Variants in STRA8 observed in about 807,000 individuals in gnomAD.
STRA8 encodes stimulated by retinoic acid 8, also known as stimulated by retinoic acid gene 8 protein homolog.
In STRA8, 18 loss-of-function variants were observed where a neutral mutation model predicts 37.1. The observed-to-expected ratio is 0.48, with a 90% confidence interval of 0.34 to 0.72. The LOEUF (loss-of-function observed/expected upper bound fraction) is 0.72. Ranked by LOEUF, STRA8 falls within the 30% of genes least tolerant of loss-of-function variation. The probability of loss-of-function intolerance (pLI) is 0.01; values close to 1 mark genes in which losing one functional copy is unlikely to be tolerated. For missense variants in STRA8, 357 were observed against 410.4 expected, an observed-to-expected ratio of 0.87 and a Z score of 1.13; for synonymous variants, 168 against 162.9, an observed-to-expected ratio of 1.03 and a Z score of -0.24.
In STRA8 at chr7:135,246,041, G is replaced by C; in HGVS notation, c.594-376G>C. ...CTCTCCACAGCCGAGCCTGACTTTC[G>C]GGCTGCAGGTTAAAGTTGGAGTCCT... On this transcript the variant is annotated intron_variant, in intron 5 of 8. Transcript: ENST00000662584. The surrounding 1 kb of genome is among the most constrained non-coding windows in gnomAD (Gnocchi z 5.4). 2 of 265,246 alleles carry C rather than the reference G, an allele frequency of 7.5e-6. No individual in the cohort carries two copies. Among genetic ancestry groups the C allele is most frequent in the South Asian group, 8.7e-5 (2 of 22,892 alleles). The allele number at this position is 265,246 out of a possible 1,614,324, so 16.4% of individuals were successfully genotyped here.
rs563090886 is a variant in STRA8 at position 135,253,663 on chromosome 7, T to C, written c.954-1451T>C. On this transcript the variant is annotated intron_variant, in intron 7 of 8. Coordinates refer to ENST00000662584, the MANE Select transcript of STRA8 (RefSeq NM_001394401.1). Reference sequence around the variant, plus strand: ...AAAGATTTTAAAACAAGAAGCAGCGTGACTAACAATGTCCCAAAGGTGTGT... The same window carrying C: ...AAAGATTTTAAAACAAGAAGCAGCGCGACTAACAATGTCCCAAAGGTGTGT... Among the ~76,000 whole-genome samples, 5 of 152,292 alleles carry C rather than the reference T, an allele frequency of 3.3e-5. No individual in the cohort carries two copies. The South Asian group carries it at 1.0e-3, about 32-fold the overall frequency.
At chr7:135,257,744 A>G (rs1259626620) in intron 8 of STRA8, among the ~76,000 whole-genome samples, 2 of 152,140 alleles carry the variant, frequency 1.3e-5, no homozygotes, top group Non-Finnish European at 2.9e-5. Flanking sequence ...CTGCTGCTTA[A>G]AAAAATATCA....
chr7:135,246,997 A>T lies in STRA8; in HGVS notation c.879+295A>T, dbSNP rs1406282812. 3.0e-6 allele frequency: 1 copy of T among 333,062 alleles called. No homozygotes were observed. The highest frequency in any genetic ancestry group is 5.4e-6 in the Non-Finnish European group (1 of 183,758). The allele number at this position is 333,062 out of a possible 1,614,324, so 20.6% of individuals were successfully genotyped here. A position where few individuals can be genotyped will look rare whatever the true frequency, so the allele number is the denominator to read the frequency against. Reference sequence around the variant, plus strand: ...ATAGCTGGGACTACAGGCGCCCGCCACCACGCCCGGCTAATTTTTTTGTAT... The same window carrying T: ...ATAGCTGGGACTACAGGCGCCCGCCTCCACGCCCGGCTAATTTTTTTGTAT... On this transcript the variant is annotated intron_variant, in intron 6 of 8. Transcript: ENST00000662584. The surrounding 1 kb of genome is among the most constrained non-coding windows in gnomAD (Gnocchi z 5.4).
chr7:135,248,998 A>G (rs1024766121), intron 6 of STRA8, among the ~76,000 whole-genome samples: 20 of 152,152 alleles, frequency 1.3e-4, no homozygotes, highest in Non-Finnish European at 2.9e-4. Context: ...CCTCATACCC[A>G]AGGCTTGTAT....
chr7:135,233,549 G>A (rs985065332), upstream of STRA8, among the ~76,000 whole-genome samples: 1 of 152,166 alleles, frequency 6.6e-6, no homozygotes, highest in Non-Finnish European at 1.5e-5. Flanking sequence ...GAGGACACAT[G>A]AAGGCTGTGT....
rs1233066725 is a variant in STRA8, at chr7:135,251,835, G to C, written c.919G>C (p.Asp307His). The C allele has an allele frequency of 2.5e-6, 4 of 1,614,014 alleles. No individual in the cohort carries two copies. The highest frequency in any genetic ancestry group is 2.5e-6 in the Non-Finnish European group (3 of 1,180,044). The change falls in exon 7 of 9, where the codon GAC becomes CAC. Residue 307 changes from aspartate (D) to histidine (H), a missense_variant. By Grantham distance (81) the Asp-to-His change is moderately conservative. Coordinates refer to ENST00000662584, the MANE Select transcript of STRA8 (RefSeq NM_001394401.1). ...TGCCTTTGATGTGGCAAGCTTCCTGGACAAAAGTGAGGTTCCGAGTACATC... is the reference window on the plus strand; with the variant it reads ...TGCCTTTGATGTGGCAAGCTTCCTGCACAAAAGTGAGGTTCCGAGTACATC... ...EDAFDVASFL[D>H]KSEVPSTSSS...
intron 8 of STRA8, among the ~76,000 whole-genome samples, chr7:135,256,524 G>A (rs906392059): frequency 2.6e-5 from 4 of 152,356 alleles, no homozygotes; most frequent in Middle Eastern, 3.4e-3. Flanking sequence ...CAAAGGTATG[G>A]CCGGGTGCAG....
chr7:135,232,661 G>C (rs1832310846), upstream of STRA8, among the ~76,000 whole-genome samples: 1 of 151,992 alleles, frequency 6.6e-6, no homozygotes, highest in African/African-American at 2.4e-5. Flanking sequence ...AATGAGAATT[G>C]ACCCTTACTG....
At chr7:135,238,200 G>C (rs1414366543) in intron 1 of STRA8, among the ~76,000 whole-genome samples, 1 of 152,184 alleles carries the variant, frequency 6.6e-6, no homozygotes, top group Non-Finnish European at 1.5e-5. Flanking sequence ...CTGAGCCAAG[G>C]GGGGGCGGGG....
rs893361013 is a variant in STRA8, at chr7:135,246,941, T to C, written c.879+239T>C. 65 of 459,650 alleles carry C rather than the reference T, an allele frequency of 1.4e-4. No homozygotes were observed. Among genetic ancestry groups the C allele is most frequent in the Admixed American group, 4.2e-4 (10 of 23,918 alleles). 28.5% of individuals were successfully genotyped at this position (459,650 alleles called of 1,614,324 possible). ...CTCACTGCAAGCTCTGGCTCCCGGG[T>C]TCACCTCATTCTCCTGCCTCAGCCT... is the stretch of plus-strand genomic sequence containing the variant. On this transcript the variant is annotated intron_variant, in intron 6 of 8. Coordinates refer to ENST00000662584, the MANE Select transcript of STRA8 (RefSeq NM_001394401.1). This position sits in a 1 kb window ranked among gnomAD's most constrained non-coding sequence, Gnocchi z 5.4.
chr7:135,247,569 C>T (rs1422796777), intron 6 of STRA8, among the ~76,000 whole-genome samples: 1 of 152,192 alleles, frequency 6.6e-6, no homozygotes. Context: ...CCTCCCCTCT[C>T]ATTGGTTGGA....
At chr7:135,233,399 G>C (rs1004128608), upstream of STRA8, among the ~76,000 whole-genome samples, 3 of 152,062 alleles carry the variant, frequency 2.0e-5, no homozygotes, top group Non-Finnish European at 4.4e-5. Flanking sequence ...CTGGTATTTT[G>C]ATTCCTTTAT....
upstream of STRA8, among the ~76,000 whole-genome samples, chr7:135,233,549 G>T (rs985065332): frequency 6.6e-6 from 1 of 152,166 alleles, no homozygotes; most frequent in Non-Finnish European, 1.5e-5. Context: ...GAGGACACAT[G>T]AAGGCTGTGT....
intron 6 of STRA8, among the ~76,000 whole-genome samples, chr7:135,249,310 G>A (rs768523292): frequency 1.3e-5 from 2 of 152,324 alleles, no homozygotes; most frequent in East Asian, 3.8e-4. Flanking sequence ...TGGGCTGGGC[G>A]TGGTGATGCC....
chr7:135,246,417 G>A lies in STRA8; in HGVS notation c.594G>A (p.Arg198=), dbSNP rs200328961. Residue 198 remains arginine (R), a splice_region_variant and synonymous_variant, in exon 6 of 9, where the codon CGG becomes CGA. Transcript: ENST00000662584. This position sits in a 1 kb window ranked among gnomAD's most constrained non-coding sequence, Gnocchi z 5.4. The stretch of plus-strand genomic sequence containing the variant: ...CGAGACGGCGCCGCTTCTGTTCCAG[G>A]TATCTCAACTTTTACAAACAGACGA... ...TLSPDLMEFE[R]YLNFYKQTMD... is the part of the protein sequence containing the mutation. The A allele has an allele frequency of 1.5e-5, 24 of 1,600,734 alleles. No individual in the cohort carries two copies. The East Asian group carries it at 4.3e-4, about 29-fold the overall frequency.
intron 1 of STRA8, among the ~76,000 whole-genome samples, chr7:135,235,538 T>A (rs1016962744): frequency 6.6e-6 from 1 of 151,290 alleles, no homozygotes; most frequent in Non-Finnish European, 1.5e-5. Flanking sequence ...AACTCCTGGG[T>A]TCAAGTGATT....
chr7:135,232,924 G>A (rs1294136794), upstream of STRA8, among the ~76,000 whole-genome samples: 1 of 152,182 alleles, frequency 6.6e-6, no homozygotes, highest in Non-Finnish European at 1.5e-5. Flanking sequence ...GGCAGCAAGG[G>A]GGCGCCTGGG....
chr7:135,258,326 T>C, intron 8 of STRA8, 92 bp from the exon 9 acceptor site: 2 of 1,031,100 alleles, frequency 1.9e-6, no homozygotes, highest in Admixed American at 2.2e-5. Flanking sequence ...GTCTGGGGGC[T>C]GGGCACACCG....
rs549998280 is a variant in STRA8, at chr7:135,234,105, T to TGA, written c.-7+202_-7+203insGA. Among the ~76,000 whole-genome samples, 601 of 147,630 alleles carry TGA rather than the reference T, an allele frequency of 4.1e-3. 3 individuals carry two copies. The highest frequency in any genetic ancestry group is 0.015 in the African/African-American group (565 of 38,082). On this transcript the variant is annotated intron_variant, in intron 1 of 8. Transcript: ENST00000662584. ...ATGATGATGATGATGATGATGATGA[T>TGA]TATTATTATTATCATTTTGAGACGG...
Sources: allele counts gnomAD v4.1 joint callset (sites outside exome capture counted in the v4.1 genomes callset), GRCh38; gene constraint gnomAD v4.1.1; non-coding constraint Gnocchi (gnomAD v3.1); transcripts MANE v1.5; gene names NCBI Gene and HGNC (gene_info 2026-07-23, HGNC 2026-07-21).